Variants in SLC28A3 observed in about 807,000 individuals in gnomAD.
SLC28A3 encodes solute carrier family 28 member 3.
SLC28A3 carries 68 observed loss-of-function variants against 84.2 expected under a neutral mutation model. That is an observed-to-expected ratio of 0.81 (90% CI 0.66 to 0.99). The LOEUF (loss-of-function observed/expected upper bound fraction) is 0.99. Among genes scored for constraint, SLC28A3 ranks in the 50% least tolerant of loss-of-function variants. The probability of loss-of-function intolerance (pLI) is 0.00; values close to 1 mark genes in which losing one functional copy is unlikely to be tolerated. For missense variants in SLC28A3, 712 were observed against 841.5 expected (o/e 0.85, Z 1.90); for synonymous variants, 267 against 303.6 (o/e 0.88, Z 1.25).
At chr9:84,353,525 C>T in the SLC28A3 span, among the ~76,000 whole-genome samples, 5,246 of 152,270 alleles carry the variant, frequency 0.034, 217 homozygotes, top group African/African-American at 0.097. Context: ...GCATGGCCAA[C>T]ATGGTGAAAC....
intron 1 of SLC28A3, among the ~76,000 whole-genome samples, chr9:84,338,675 T>G (rs1286932220): frequency 6.6e-6 from 1 of 152,212 alleles, no homozygotes; most frequent in Non-Finnish European, 1.5e-5. Context: ...GACATGGACC[T>G]TCTCTATTGC....
At chr9:84,301,339 G>A in intron 5 of SLC28A3, among the ~76,000 whole-genome samples, 2 of 93,100 alleles carry the variant, frequency 2.1e-5, no homozygotes, top group South Asian at 4.1e-4. Flanking sequence ...GACAGAGCAA[G>A]ACTCTGTCTC....
intron 1 of SLC28A3, among the ~76,000 whole-genome samples, chr9:84,314,629 A>C (rs928429514): frequency 6.6e-6 from 1 of 152,262 alleles, no homozygotes; most frequent in African/African-American, 2.4e-5. Flanking sequence ...TTCATGCATC[A>C]AAGTATTGTG....
At chr9:84,296,265 G>T (rs761342365) in intron 8 of SLC28A3, among the ~76,000 whole-genome samples, 1 of 152,208 alleles carries the variant, frequency 6.6e-6, no homozygotes, top group Non-Finnish European at 1.5e-5. Flanking sequence ...GGTAGAGGTT[G>T]CTGGGGGAGG....
chr9:84,355,724 A>T, the SLC28A3 span, among the ~76,000 whole-genome samples: 15,308 of 152,040 alleles, frequency 0.1, 827 homozygotes, highest in East Asian at 0.18. Flanking sequence ...ATACTTGTGC[A>T]ATTGTTGGAA....
At chr9:84,320,047 T>TTTG (rs1826316438) in intron 1 of SLC28A3, among the ~76,000 whole-genome samples, 4 of 71,476 alleles carry the variant, frequency 5.6e-5, no homozygotes, top group Non-Finnish European at 8.3e-5. Context: ...ACTGTTTTTT[T>TTTG]TTTTTTTTTT....
At chr9:84,346,651 GA>G in the SLC28A3 span, among the ~76,000 whole-genome samples, 1 of 152,162 alleles carries the variant, frequency 6.6e-6, no homozygotes, top group Non-Finnish European at 1.5e-5. Context: ...TCCAAGAGGG[GA>G]AAAAGGAAAG....
intron 4 of SLC28A3, among the ~76,000 whole-genome samples, chr9:84,304,484 CCAAAA>C (rs1825727512): frequency 6.6e-6 from 1 of 151,672 alleles, no homozygotes; most frequent in South Asian, 2.1e-4. Context: ...CAAAAACAAA[CCAAAA>C]CAAAAAACAA....
At chr9:84,292,457 C>G in intron 10 of SLC28A3, 1 of 482,766 alleles carries the variant, frequency 2.1e-6, no homozygotes, top group Non-Finnish European at 3.5e-6. Context: ...GTCTCTCTGT[C>G]TCTCTGTCTC....
chr9:84,356,645 T>C, the SLC28A3 span, among the ~76,000 whole-genome samples: 174 of 152,080 alleles, frequency 1.1e-3, no homozygotes, highest in Non-Finnish European at 2.2e-3. Flanking sequence ...GCCAGGCCAA[T>C]ATGGTGAAAC....
Position 84,294,273 on chromosome 9 carries a change from G to A in SLC28A3, c.864C>T (p.Val288=), listed in dbSNP as rs936102817. Residue 288 remains valine, a splice_region_variant and synonymous_variant, in exon 9 of 18, where the codon GTC becomes GTT. Coordinates refer to ENST00000376238, the MANE Select transcript of SLC28A3 (RefSeq NM_001199633.2). ...KYKDHFFAFK[V]LPIVVFFSTV... ...TGCTGAAGAAAACCACGATCGGCAG[G>A]ACCTGTGGGGACAGAAACAAACATG... 1 of 1,614,066 alleles carries A rather than the reference G, an allele frequency of 6.2e-7. No individual in the cohort carries two copies. The highest frequency in any genetic ancestry group is 8.5e-7 in the Non-Finnish European group (1 of 1,179,966).
At chr9:84,309,814 G>C in intron 2 of SLC28A3, 100 bp from the exon 3 acceptor site, 3 of 887,072 alleles carry the variant, frequency 3.4e-6, no homozygotes, top group Non-Finnish European at 5.3e-6. Flanking sequence ...ACTTTCAATA[G>C]GTCCTTTTAA....
Position 84,328,482 on chromosome 9 carries a change from G to T in SLC28A3, c.60+12092C>A, listed in dbSNP as rs187670574. Among the ~76,000 whole-genome samples, 709 of 152,080 alleles carry T rather than the reference G, an allele frequency of 4.7e-3. 3 individuals carry two copies. Among genetic ancestry groups the T allele is most frequent in the Middle Eastern group, 0.01 (3 of 292 alleles). The stretch of plus-strand genomic sequence containing the variant: ...TATAAGAAATAGAAAAGTTAGGCAG[G>T]GTGTGGTGGCTCACACCTGTAATCC... On this transcript the variant is annotated intron_variant, in intron 1 of 17. Transcript: ENST00000376238.
chr9:84,330,647 A>G (rs907461369), intron 1 of SLC28A3, among the ~76,000 whole-genome samples: 1 of 152,244 alleles, frequency 6.6e-6, no homozygotes, highest in Non-Finnish European at 1.5e-5. Context: ...ACAAATATAC[A>G]TTTTATGAAA....
chr9:84,340,218 C>T (rs984781580), intron 1 of SLC28A3, among the ~76,000 whole-genome samples: 1 of 152,162 alleles, frequency 6.6e-6, no homozygotes, highest in Non-Finnish European at 1.5e-5. Flanking sequence ...CCCTGAGACA[C>T]TACCCCAGCC....
At chr9:84,361,070 GT>G in the SLC28A3 span, among the ~76,000 whole-genome samples, 5 of 152,260 alleles carry the variant, frequency 3.3e-5, no homozygotes, top group Non-Finnish European at 7.4e-5. Flanking sequence ...TGCAGGCCGG[GT>G]GCGGTGGCTC....
At chr9:84,327,868 G>A (rs550044584) in intron 1 of SLC28A3, among the ~76,000 whole-genome samples, 4 of 142,658 alleles carry the variant, frequency 2.8e-5, no homozygotes, top group African/African-American at 1.1e-4. Context: ...AGAGGTTGCA[G>A]TCAGCCAACA....
At chr9:84,363,886 G>A in the SLC28A3 span, among the ~76,000 whole-genome samples, 1 of 151,894 alleles carries the variant, frequency 6.6e-6, no homozygotes, top group Non-Finnish European at 1.5e-5. Context: ...CACCAAGACT[G>A]GCCTGATTTC....
chr9:84,304,671 C>T (rs1825732169), intron 4 of SLC28A3, among the ~76,000 whole-genome samples: 1 of 152,156 alleles, frequency 6.6e-6, no homozygotes, highest in South Asian at 2.1e-4. Flanking sequence ...CACACCTCCT[C>T]AAATCCACCT....
Sources: gnomAD v4.1 joint callset for allele counts (sites outside exome capture counted in the v4.1 genomes callset) on GRCh38, gnomAD v4.1.1 for gene constraint, MANE v1.5 for transcripts, NCBI Gene and HGNC (gene_info 2026-07-23, HGNC 2026-07-21) for gene names.